TFAP2A: variants seen among roughly 807,000 people sequenced by gnomAD.
TFAP2A encodes transcription factor AP-2 alpha.
TFAP2A carries 7 observed loss-of-function variants against 41.5 expected under a neutral mutation model. The observed-to-expected ratio is 0.17, with a 90% confidence interval of 0.10 to 0.32. The LOEUF (loss-of-function observed/expected upper bound fraction) is 0.32. Ranked by LOEUF, TFAP2A falls within the 10% of genes least tolerant of loss-of-function variation. TFAP2A has a pLI of 1.00. For missense variants in TFAP2A, 416 were observed against 563.3 expected, an observed-to-expected ratio of 0.74 and a Z score of 2.65; for synonymous variants, 247 against 242.8, an observed-to-expected ratio of 1.02 and a Z score of -0.16.
chr6:10,406,842 A>T lies in TFAP2A; in HGVS notation c.489T>A (p.His163Gln). The change falls in exon 3 of 7, where the codon CAT becomes CAA. Residue 163 changes from histidine (H) to glutamine (Q), a missense_variant and splice_region_variant. Physicochemically the swap from His to Gln is conservative, Grantham distance 24 (BLOSUM62 0). Coordinates refer to ENST00000379613, the MANE Select transcript of TFAP2A (RefSeq NM_001372066.1). ...SLPHAIEEVP[H>Q]VEDPGINIPD... ...GGATGTTAATACCCGGGTCTTCTAC[A>T]TGCTGCAACAAAAGGATACACATGG... The T allele has an allele frequency of 6.2e-7, 1 of 1,612,388 alleles. No individual in the cohort carries two copies. Among genetic ancestry groups the T allele is most frequent in the South Asian group, 1.1e-5 (1 of 91,064 alleles).
At chr6:10,414,789 G>T (rs1195896799) in intron 1 of TFAP2A, 152 bp downstream of exon 1, 5 of 1,034,080 alleles carry the variant, frequency 4.8e-6, no homozygotes, top group South Asian at 2.6e-5. Flanking sequence ...TCTCCCCCGC[G>T]TTCTTCGGGC....
intron 1 of TFAP2A, among the ~76,000 whole-genome samples, chr6:10,413,320 C>T (rs1758085031): frequency 6.6e-6 from 1 of 152,206 alleles, no homozygotes. Flanking sequence ...CTTGCCCCCA[C>T]AGGATCCCTC....
intron 3 of TFAP2A, chr6:10,406,040 C>T (rs1426579475): frequency 1.3e-5 from 2 of 152,070 alleles, no homozygotes; most frequent in Non-Finnish European, 2.9e-5. Context: ...GAAATGAGAA[C>T]AGTTTTATAT....
intron 3 of TFAP2A, chr6:10,406,490 C>G (rs1332453572): frequency 2.2e-6 from 1 of 446,942 alleles, no homozygotes; most frequent in African/African-American, 2.0e-5. Context: ...AACTATCAAA[C>G]TGTTTCAAAA....
At chr6:10,404,264 A>T (rs1158658135) in intron 4 of TFAP2A, among the ~76,000 whole-genome samples, 2 of 152,188 alleles carry the variant, frequency 1.3e-5, no homozygotes, top group Non-Finnish European at 2.9e-5. Context: ...GCAGCGAACG[A>T]AGCGCGCACC....
intron 2 of TFAP2A, chr6:10,407,318 A>G (rs1414987488): frequency 5.8e-6 from 1 of 173,300 alleles, no homozygotes; most frequent in East Asian, 1.6e-4. Context: ...TAGGTAGTAT[A>G]ATAAAGAGCA....
chr6:10,416,429 G>GGAAA (rs796506238), upstream of TFAP2A: 183 of 142,486 alleles, frequency 1.3e-3, 2 homozygotes, highest in African/African-American at 4.6e-3. Flanking sequence ...TTTTAAGTAA[G>GGAAA]AAAAAAAAAA....
At chr6:10,408,575 C>CA (rs771880065) in intron 2 of TFAP2A, among the ~76,000 whole-genome samples, 2 of 152,044 alleles carry the variant, frequency 1.3e-5, no homozygotes, top group East Asian at 1.9e-4. Flanking sequence ...CTCTCACTTC[C>CA]AAAAAAATGC....
At chr6:10,403,851 C>T (rs1382368415) in intron 4 of TFAP2A, among the ~76,000 whole-genome samples, 2 of 152,138 alleles carry the variant, frequency 1.3e-5, no homozygotes, top group Non-Finnish European at 2.9e-5. Flanking sequence ...ACACAATGCA[C>T]GTAAACATGC....
intron 1 of TFAP2A, chr6:10,411,672 C>G: frequency 6.2e-7 from 1 of 1,607,526 alleles, no homozygotes; most frequent in Non-Finnish European, 8.5e-7. Flanking sequence ...CCCCGCCGCC[C>G]GAGCGCGCCC....
chr6:10,397,683 G>T lies in TFAP2A; in HGVS notation c.*734C>A. 1 of 221,896 alleles carries T rather than the reference G, an allele frequency of 4.5e-6. No individual in the cohort carries two copies. 13.7% of individuals were successfully genotyped at this position (221,896 alleles called of 1,614,324 possible). On this transcript the variant is annotated 3_prime_UTR_variant, in exon 7 of 7. Coordinates refer to ENST00000379613, the MANE Select transcript of TFAP2A (RefSeq NM_001372066.1). ...AATAAAAAAAAAAAGGCTTAAAACAGACTCACCATATTTACAATTCCCATT... is the reference window on the plus strand; with the variant it reads ...AATAAAAAAAAAAAGGCTTAAAACATACTCACCATATTTACAATTCCCATT...
chr6:10,402,700 G>A, intron 4 of TFAP2A, 90 bp from the exon 5 acceptor site: 1 of 1,039,464 alleles, frequency 9.6e-7, no homozygotes, highest in South Asian at 1.3e-5. Context: ...TTCCTAAAAT[G>A]TGCTTTCAAA....
chr6:10,414,812 C>T (rs905237460), intron 1 of TFAP2A, 129 bp downstream of exon 1: 17 of 1,255,230 alleles, frequency 1.4e-5, no homozygotes, highest in Admixed American at 1.8e-5. Context: ...ATCCGAGGGA[C>T]GGGCGCTGCG....
At chr6:10,404,140 G>C (rs1389043562) in intron 4 of TFAP2A, among the ~76,000 whole-genome samples, 1 of 152,252 alleles carries the variant, frequency 6.6e-6, no homozygotes, top group Non-Finnish European at 1.5e-5. Context: ...CGCGAAGAGG[G>C]AAAAGGTGGC....
At chr6:10,414,567 C>G (rs1758161560) in intron 1 of TFAP2A, 1 of 423,694 alleles carries the variant, frequency 2.4e-6, no homozygotes, top group South Asian at 2.5e-5. Context: ...CTTTCTGTTC[C>G]TGGTGACTTG....
chr6:10,404,193 G>A (rs1444322480), intron 4 of TFAP2A, among the ~76,000 whole-genome samples: 1 of 152,214 alleles, frequency 6.6e-6, no homozygotes, highest in Non-Finnish European at 1.5e-5. Flanking sequence ...TTGAGCCCGC[G>A]GCGGAGCGAG....
rs1449365849 is a variant in TFAP2A, at chr6:10,406,829, C to G, written c.502G>C (p.Gly168Arg). ...IEEVPHVEDP[G>R]INIPDQTVIK... Reference sequence around the variant, plus strand: ...ACAGTTTGATCTGGGATGTTAATACCCGGGTCTTCTACATGCTGCAACAAA... The same window carrying G: ...ACAGTTTGATCTGGGATGTTAATACGCGGGTCTTCTACATGCTGCAACAAA... Residue 168 changes from glycine to arginine, a missense_variant, in exon 3 of 7, where the codon GGT becomes CGT. Physicochemically the swap from Gly to Arg is moderately radical, Grantham distance 125. This residue lies in a region of TFAP2A where 241 missense variants were observed against 274.1 expected (regional missense o/e 0.88). Transcript: ENST00000379613. 1 of 1,613,452 alleles carries G rather than the reference C, an allele frequency of 6.2e-7. No individual in the cohort carries two copies. Among genetic ancestry groups the G allele is most frequent in the Admixed American group, 1.7e-5 (1 of 60,016 alleles).
chr6:10,415,015 CCT>C lies in TFAP2A; in HGVS notation c.-26_-25del. 1 of 1,614,102 alleles carries C rather than the reference CCT, an allele frequency of 6.2e-7. No homozygotes were observed. Among genetic ancestry groups the C allele is most frequent in the South Asian group, 1.1e-5 (1 of 91,070 alleles). On this transcript the variant is annotated 5_prime_UTR_variant, in exon 1 of 7. Coordinates refer to ENST00000379613, the MANE Select transcript of TFAP2A (RefSeq NM_001372066.1). ...ATGGATCGGCGTGAACGGATATGCC[CCT>C]CTCGGTCTCGCACCCAAGTGGAGCT...
chr6:10,415,020 C>T lies in TFAP2A; in HGVS notation c.-29G>A. On this transcript the variant is annotated 5_prime_UTR_variant, in exon 1 of 7. Transcript: ENST00000379613. The stretch of plus-strand genomic sequence containing the variant: ...TCGGCGTGAACGGATATGCCCCTCT[C>T]GGTCTCGCACCCAAGTGGAGCTACT... 6.2e-7 allele frequency: 1 copy of T among 1,614,120 alleles called. No individual in the cohort carries two copies. The highest frequency in any genetic ancestry group is 8.5e-7 in the Non-Finnish European group (1 of 1,180,028).
Sources: gnomAD v4.1 joint callset for allele counts (sites outside exome capture counted in the v4.1 genomes callset) on GRCh38, gnomAD v4.1.1 for gene constraint, gnomAD v4.1.1 regional missense constraint, MANE v1.5 for transcripts, NCBI Gene and HGNC (gene_info 2026-07-23, HGNC 2026-07-21) for gene names.